PRKN: variants seen among roughly 807,000 people sequenced by gnomAD.
The protein encoded by PRKN is E3 ubiquitin-protein ligase parkin.
Under a neutral mutation model 59.5 loss-of-function variants are expected in PRKN, and 56 were observed. The ratio of observed to expected loss-of-function variants is 0.94; its 90% CI spans 0.76 to 1.18. PRKN has a LOEUF of 1.18. Ranked by LOEUF, PRKN falls within the 50% of genes most tolerant of loss-of-function variation. PRKN has a pLI of 0.00. For synonymous variants in PRKN, 250 were observed against 222.1 expected (o/e 1.13, Z -1.12); for missense variants, 657 against 596.4 (o/e 1.10, Z -1.06).
intron 7 of PRKN, among the ~76,000 whole-genome samples, chr6:161,784,486 C>T (rs970999117): frequency 2.0e-5 from 3 of 152,166 alleles, no homozygotes; most frequent in Admixed American, 6.5e-5. Flanking sequence ...AAAGAAAGGA[C>T]TTGAACCGAC....
chr6:161,569,423 GA>G lies in PRKN; in HGVS notation c.872-8del, dbSNP rs780031818. On this transcript the variant is annotated splice_region_variant and splice_polypyrimidine_tract_variant and intron_variant, in intron 7 of 11. Coordinates refer to ENST00000366898, the MANE Select transcript of PRKN (RefSeq NM_004562.3). ...AAGGAGTTGGGACAGCCAGCTGTTG[GA>G]AAGAAGAATTAATCACAAAAACGTC... The G allele has an allele frequency of 1.9e-6, 3 of 1,612,444 alleles. No homozygotes were observed. In the Admixed American group the frequency reaches 5.0e-5, roughly 27 times the overall value.
intron 5 of PRKN, among the ~76,000 whole-genome samples, chr6:162,043,731 G>A (rs1784150773): frequency 6.6e-6 from 1 of 152,196 alleles, no homozygotes; most frequent in South Asian, 2.1e-4. Context: ...AACGGCAACA[G>A]AAAAGGGTCC....
At position 162,331,811 on chromosome 6, in the gene PRKN, C is replaced by T. The variant is rs531021146; in HGVS notation, c.172-69046G>A. Among the ~76,000 whole-genome samples, 113 of 152,256 alleles carry T rather than the reference C, an allele frequency of 7.4e-4. 1 individual carries two copies. Among genetic ancestry groups the T allele is most frequent in the Middle Eastern group, 6.8e-3 (2 of 294 alleles). On this transcript the variant is annotated intron_variant, in intron 2 of 11. Transcript: ENST00000366898. ...GCATTTTCTTTCTTGCTGACTGAGA[C>T]CTCCGTAGCGGTGGGGTTATTGTCT...
At chr6:162,112,906 G>A (rs1299862956) in intron 4 of PRKN, among the ~76,000 whole-genome samples, 1 of 152,124 alleles carries the variant, frequency 6.6e-6, no homozygotes, top group Non-Finnish European at 1.5e-5. Context: ...CTGCACAACA[G>A]AGCAAGAGCC....
intron 5 of PRKN, among the ~76,000 whole-genome samples, chr6:162,028,662 G>C (rs1187594723): frequency 6.6e-6 from 1 of 152,216 alleles, no homozygotes; most frequent in Admixed American, 6.5e-5. Context: ...TGAATGGAGG[G>C]AAGGACGCTG....
Position 161,487,157 on chromosome 6 carries a change from G to C in PRKN, c.1083+61697C>G, listed in dbSNP as rs371146565. On this transcript the variant is annotated intron_variant, in intron 9 of 11. Transcript: ENST00000366898. This position sits in a 1 kb window ranked among gnomAD's most constrained non-coding sequence, Gnocchi z 5.3. ...ATTGCCTGATAAACACTGTGCCCAG[G>C]ACTGTATATGGATCATGTTTAATCC... Among the ~76,000 whole-genome samples the C allele has an allele frequency of 7.2e-4, 110 of 152,332 alleles. No homozygotes were observed. Among genetic ancestry groups the C allele is most frequent in the African/African-American group, 2.5e-3 (104 of 41,580 alleles).
intron 1 of PRKN, among the ~76,000 whole-genome samples, chr6:162,594,565 C>CA (rs1225200295): frequency 2.6e-5 from 4 of 151,960 alleles, no homozygotes; most frequent in East Asian, 1.9e-4. Flanking sequence ...ATTTCTGCAA[C>CA]AAAAAAATAT....
In PRKN at chr6:161,400,310, CT is replaced by C. The variant is rs550312048; in HGVS notation, c.1084-13434del. Reference sequence around the variant, plus strand: ...GGAAGATTAGAAAATTAAACCTAATCTTTTTTTTTTTTTTGAGATGGAATTT... The same window carrying C: ...GGAAGATTAGAAAATTAAACCTAATCTTTTTTTTTTTTTGAGATGGAATTT... On this transcript the variant is annotated intron_variant, in intron 9 of 11. Coordinates refer to ENST00000366898, the MANE Select transcript of PRKN (RefSeq NM_004562.3). This position sits in a 1 kb window ranked among gnomAD's most constrained non-coding sequence, Gnocchi z 4.2. 0.073 allele frequency among the ~76,000 whole-genome samples: 10,479 copies of C among 144,344 alleles called. 386 individuals carry two copies. Among genetic ancestry groups the C allele is most frequent in the Non-Finnish European group, 0.084 (5,492 of 65,458 alleles). 94.7% of individuals were successfully genotyped at this position (144,344 alleles called of 152,430 possible). A position where few individuals can be genotyped will look rare whatever the true frequency, so the allele number is the denominator to read the frequency against.
chr6:162,290,150 G>A (rs1414395190), intron 2 of PRKN, among the ~76,000 whole-genome samples: 9 of 152,128 alleles, frequency 5.9e-5, no homozygotes, highest in Non-Finnish European at 1.5e-5. Flanking sequence ...TCCACAGACC[G>A]ACCATTGTCC....
At chr6:162,427,098 A>T (rs1789272311) in intron 2 of PRKN, among the ~76,000 whole-genome samples, 1 of 152,244 alleles carries the variant, frequency 6.6e-6, no homozygotes. Context: ...ATGTGAAAAG[A>T]TGCTTAATTG....
At chr6:162,205,523 G>C (rs1300691678) in intron 3 of PRKN, among the ~76,000 whole-genome samples, 1 of 152,050 alleles carries the variant, frequency 6.6e-6, no homozygotes, top group Admixed American at 6.6e-5. Context: ...TGTTTTCTAG[G>C]TGGGGAGAGA....
intron 1 of PRKN, among the ~76,000 whole-genome samples, chr6:162,684,522 T>C (rs1180469325): frequency 6.6e-6 from 1 of 152,126 alleles, no homozygotes; most frequent in Non-Finnish European, 1.5e-5. Flanking sequence ...AATGTATCCA[T>C]TTAGAGAGGG....
chr6:162,219,570 T>C (rs553748862), intron 3 of PRKN, among the ~76,000 whole-genome samples: 1 of 150,492 alleles, frequency 6.6e-6, no homozygotes, highest in East Asian at 2.0e-4. Flanking sequence ...AAAATAAAGA[T>C]GAAAAAACTT....
chr6:162,331,667 T>C (rs1351774649), intron 2 of PRKN, among the ~76,000 whole-genome samples: 8 of 152,212 alleles, frequency 5.3e-5, no homozygotes, highest in Admixed American at 5.2e-4. Flanking sequence ...CAGTAAATAG[T>C]TGGAATTTAT....
intron 7 of PRKN, among the ~76,000 whole-genome samples, chr6:161,692,296 C>A (rs1255220573): frequency 6.6e-6 from 1 of 152,246 alleles, no homozygotes; most frequent in East Asian, 1.9e-4. Flanking sequence ...AAAAACCCAA[C>A]TCCTTCTTAC....
chr6:161,583,565 T>C (rs1781422070), intron 7 of PRKN, among the ~76,000 whole-genome samples: 1 of 152,202 alleles, frequency 6.6e-6, no homozygotes, highest in Admixed American at 6.5e-5. Flanking sequence ...ATTGCCATTA[T>C]AAAATATTAA....
At chr6:162,032,858 C>T (rs1783692919) in intron 5 of PRKN, among the ~76,000 whole-genome samples, 2 of 152,220 alleles carry the variant, frequency 1.3e-5, no homozygotes, top group African/African-American at 4.8e-5. Context: ...CCAATGCTCC[C>T]ACATGCAATC....
At chr6:162,162,891 C>T (rs1425775634) in intron 4 of PRKN, among the ~76,000 whole-genome samples, 1 of 148,230 alleles carries the variant, frequency 6.7e-6, no homozygotes, top group African/African-American at 2.6e-5. Context: ...ACCTGTAGTC[C>T]CAGCTACTCG....
At chr6:161,673,028 A>G (rs1342810870) in intron 7 of PRKN, among the ~76,000 whole-genome samples, 2 of 152,172 alleles carry the variant, frequency 1.3e-5, no homozygotes, top group Admixed American at 6.5e-5. Flanking sequence ...CTATAAAGCA[A>G]CAGGACTGAT....
Sources: gnomAD v4.1 joint callset for allele counts (sites outside exome capture counted in the v4.1 genomes callset) on GRCh38, gnomAD v4.1.1 for gene constraint, Gnocchi (gnomAD v3.1) non-coding constraint, MANE v1.5 for transcripts, NCBI Gene and HGNC (gene_info 2026-07-23, HGNC 2026-07-21) for gene names.